The following XIRP2 variants were observed in gnomAD, a reference collection of about 807,000 sequenced individuals.
The protein encoded by XIRP2 is xin actin binding repeat containing 2.
XIRP2 carries 236 observed loss-of-function variants against 277.0 expected under a neutral mutation model. The ratio of observed to expected loss-of-function variants is 0.85; its 90% CI spans 0.77 to 0.95. The LOEUF (loss-of-function observed/expected upper bound fraction) is 0.95. Among genes scored for constraint, XIRP2 ranks in the 40% least tolerant of loss-of-function variants. XIRP2 has a pLI of 0.00. For missense variants in XIRP2, 4,640 were observed against 4,157.5 expected, an observed-to-expected ratio of 1.12 and a Z score of -3.19; for synonymous variants, 1,490 against 1,416.5, an observed-to-expected ratio of 1.05 and a Z score of -1.17.
Position 167,242,572 on chromosome 2 carries a change from G to A in XIRP2, c.1180G>A (p.Glu394Lys), listed in dbSNP as rs761386745. The stretch of plus-strand genomic sequence containing the variant: ...TTTGATTTTCTCTCCCCTAAAGACT[G>A]AAAGTGAATATGAAGAGACTTTCAA... Reference protein sequence around the residue: ...MTTPAKQIKTESEYEETFKPS... With the variant: ...MTTPAKQIKTKSEYEETFKPS... Residue 394 changes from glutamate (E) to lysine (K), a missense_variant, in exon 9 of 11, where the codon GAA (glutamate) becomes AAA (lysine). Transcript: ENST00000409195. The A allele has an allele frequency of 1.2e-5, 19 of 1,608,814 alleles. No individual in the cohort carries two copies. The highest frequency in any genetic ancestry group is 3.3e-5 in the Admixed American group (2 of 59,710).
intron 2 of XIRP2, among the ~76,000 whole-genome samples, chr2:167,009,225 C>A (rs1458734743): frequency 8.4e-6 from 1 of 118,736 alleles, no homozygotes; most frequent in African/African-American, 3.1e-5. Context: ...CCCCCCACCC[C>A]ACAACAGTCC....
intron 3 of XIRP2, among the ~76,000 whole-genome samples, chr2:167,166,110 T>C (rs1408280493): frequency 6.6e-6 from 1 of 152,242 alleles, no homozygotes; most frequent in Non-Finnish European, 1.5e-5. Flanking sequence ...TTGCCTATGC[T>C]TGTTTGTCTA....
chr2:167,223,459 A>G (rs1483274556), intron 5 of XIRP2, among the ~76,000 whole-genome samples: 1 of 152,192 alleles, frequency 6.6e-6, no homozygotes, highest in African/African-American at 2.4e-5. Context: ...AGGATTCTGT[A>G]AGATTATGCA....
At chr2:166,999,201 T>A (rs76097810) in intron 2 of XIRP2, among the ~76,000 whole-genome samples, 1 of 152,130 alleles carries the variant, frequency 6.6e-6, no homozygotes, top group Non-Finnish European at 1.5e-5. Context: ...AAGAGCAGTT[T>A]AAGAAATAGC....
At chr2:167,004,498 C>T (rs1426050477) in intron 2 of XIRP2, among the ~76,000 whole-genome samples, 4 of 151,756 alleles carry the variant, frequency 2.6e-5, no homozygotes, top group Admixed American at 2.0e-4. Context: ...CAGAAGGTAC[C>T]AGACCATACA....
intron 5 of XIRP2, among the ~76,000 whole-genome samples, chr2:167,233,571 G>A (rs1694817469): frequency 6.6e-6 from 1 of 151,816 alleles, no homozygotes; most frequent in African/African-American, 2.4e-5. Flanking sequence ...GATAGCATTG[G>A]TAGGACATAG....
At chr2:167,027,668 G>A (rs1688210220) in intron 2 of XIRP2, among the ~76,000 whole-genome samples, 1 of 152,052 alleles carries the variant, frequency 6.6e-6, no homozygotes, top group Non-Finnish European at 1.5e-5. Context: ...TGATGGTGAT[G>A]TACAGATGGG....
At chr2:166,978,344 A>G (rs1686770607) in intron 2 of XIRP2, among the ~76,000 whole-genome samples, 1 of 152,142 alleles carries the variant, frequency 6.6e-6, no homozygotes. Context: ...TTTCTTCAAG[A>G]TTGGTTTGAA....
chr2:167,121,520 A>G (rs1252991103), intron 2 of XIRP2, among the ~76,000 whole-genome samples: 1 of 152,216 alleles, frequency 6.6e-6, no homozygotes, highest in African/African-American at 2.4e-5. Flanking sequence ...AGGTTTAGCC[A>G]TTAGAGATTT....
In XIRP2 at chr2:167,242,986, G is replaced by T; in HGVS notation, c.1594G>T (p.Gly532Trp). Residue 532 changes from glycine (G) to tryptophan (W), a missense_variant, in exon 9 of 11, where the codon GGG becomes TGG. By Grantham distance (184) the Gly-to-Trp change is radical. Transcript: ENST00000409195. ...GATTGTTTCTAGTCAAATGAACTCAGGGAGTTCAGTCTCAGCAGATGTGCA... is the reference window on the plus strand; with the variant it reads ...GATTGTTTCTAGTCAAATGAACTCATGGAGTTCAGTCTCAGCAGATGTGCA... ...SEIVSSQMNS[G>W]SSVSADVQQA... 1 of 1,613,908 alleles carries T rather than the reference G, an allele frequency of 6.2e-7. No individual in the cohort carries two copies. The highest frequency in any genetic ancestry group is 1.1e-5 in the South Asian group (1 of 91,052).
At position 167,251,370 on chromosome 2, in the gene XIRP2, G is replaced by T; in HGVS notation, c.9978G>T (p.Val3326=). ...NRTVQMAENF[V]NDPENEINRW... Reference sequence around the variant, plus strand: ...CTGTTCAAATGGCTGAAAATTTCGTGAATGACCCTGAAAATGAAATAAACA... The same window carrying T: ...CTGTTCAAATGGCTGAAAATTTCGTTAATGACCCTGAAAATGAAATAAACA... Residue 3326 remains valine, a synonymous_variant, in exon 9 of 11, where the codon GTG becomes GTT. Transcript: ENST00000409195. 1 of 1,613,558 alleles carries T rather than the reference G, an allele frequency of 6.2e-7. No homozygotes were observed. The highest frequency in any genetic ancestry group is 2.2e-5 in the East Asian group (1 of 44,822).
chr2:166,945,761 T>C, intron 2 of XIRP2, among the ~76,000 whole-genome samples: 1 of 139,010 alleles, frequency 7.2e-6, no homozygotes, highest in Non-Finnish European at 1.5e-5. Context: ...AACCTCCAAC[T>C]CCCGGGTTCA....
intron 2 of XIRP2, among the ~76,000 whole-genome samples, chr2:167,008,402 A>G (rs1383224080): frequency 6.6e-6 from 1 of 151,606 alleles, no homozygotes; most frequent in Non-Finnish European, 1.5e-5. Flanking sequence ...ACTGTAATAA[A>G]GAAGCTATAA....
intron 2 of XIRP2, among the ~76,000 whole-genome samples, chr2:167,025,421 AT>A (rs1323033258): frequency 6.6e-6 from 1 of 151,962 alleles, no homozygotes; most frequent in Non-Finnish European, 1.5e-5. Context: ...GGATTCATTA[AT>A]TTTTTGAAGG....
chr2:167,010,655 T>A (rs1323886169), intron 2 of XIRP2, among the ~76,000 whole-genome samples: 1 of 152,176 alleles, frequency 6.6e-6, no homozygotes, highest in Admixed American at 6.6e-5. Flanking sequence ...ATAAATTACC[T>A]TGGGCAGTAT....
chr2:166,935,791 T>C (rs1558921766), intron 2 of XIRP2, among the ~76,000 whole-genome samples: 1 of 152,208 alleles, frequency 6.6e-6, no homozygotes, highest in Admixed American at 6.5e-5. Context: ...ATGTGCCACA[T>C]TTTATTAATC....
intron 2 of XIRP2, among the ~76,000 whole-genome samples, chr2:166,976,278 G>A (rs1030673075): frequency 5.9e-5 from 9 of 152,070 alleles, no homozygotes; most frequent in African/African-American, 2.2e-4. Flanking sequence ...ATGTGTGAAG[G>A]CAAGTCTATT....
At chr2:167,093,980 T>G (rs984916052) in intron 2 of XIRP2, among the ~76,000 whole-genome samples, 3 of 151,814 alleles carry the variant, frequency 2.0e-5, no homozygotes, top group African/African-American at 7.3e-5. Context: ...CAGCATCTGT[T>G]GTTTCCTAAC....
chr2:167,175,279 A>G (rs564118529), intron 3 of XIRP2, among the ~76,000 whole-genome samples: 2 of 152,288 alleles, frequency 1.3e-5, no homozygotes, highest in South Asian at 4.1e-4. Context: ...TATTTAGGAT[A>G]GTTGGCTCTT....
Sources: allele counts gnomAD v4.1 joint callset (sites outside exome capture counted in the v4.1 genomes callset), GRCh38; gene constraint gnomAD v4.1.1; transcripts MANE v1.5; gene names NCBI Gene and HGNC (gene_info 2026-07-23, HGNC 2026-07-21).